CPE: variants seen among roughly 807,000 people sequenced by gnomAD.
CPE encodes carboxypeptidase E, also known as carbocypeptidase E.
Under a neutral mutation model 53.5 loss-of-function variants are expected in CPE, and 17 were observed. The observed-to-expected ratio is 0.32, with a 90% CI of 0.22 to 0.48. CPE has a LOEUF of 0.48. Ranked by LOEUF, CPE falls within the 20% of genes least tolerant of loss-of-function variation. The pLI, the probability that CPE is intolerant of heterozygous loss-of-function variation, is 0.99. For missense variants in CPE, 524 were observed against 614.7 expected (o/e 0.85, Z 1.56); for synonymous variants, 226 against 228.8 (o/e 0.99, Z 0.11).
intron 2 of CPE, among the ~76,000 whole-genome samples, chr4:165,467,349 C>G (rs1346698945): frequency 6.6e-6 from 1 of 152,134 alleles, no homozygotes; most frequent in Non-Finnish European, 1.5e-5. Context: ...GAAACTAAGA[C>G]ACAAACACAC....
At chr4:165,420,694 T>C (rs368802294) in intron 1 of CPE, among the ~76,000 whole-genome samples, 12 of 152,294 alleles carry the variant, frequency 7.9e-5, no homozygotes, top group Admixed American at 3.3e-4. Flanking sequence ...TACTGTTACA[T>C]AGTATGTCTT....
intron 1 of CPE, chr4:165,404,019 C>T (rs182483977): frequency 4.1e-5 from 33 of 796,040 alleles, no homozygotes; most frequent in Middle Eastern, 3.7e-4. Context: ...CCAGCACTGC[C>T]GGCAGCTGGG....
chr4:165,386,440 C>G, intron 1 of CPE: 1 of 386,948 alleles, frequency 2.6e-6, no homozygotes, highest in South Asian at 2.0e-5. Flanking sequence ...AAATGCATAT[C>G]ATAAAACAAA....
At chr4:165,387,924 C>G (rs940516040) in intron 1 of CPE, among the ~76,000 whole-genome samples, 3 of 152,042 alleles carry the variant, frequency 2.0e-5, no homozygotes, top group African/African-American at 7.2e-5. Flanking sequence ...GCCCAGCCCC[C>G]CAAAATTTCT....
intron 1 of CPE, among the ~76,000 whole-genome samples, chr4:165,407,150 T>C (rs1033351830): frequency 4.6e-5 from 7 of 152,178 alleles, no homozygotes; most frequent in Admixed American, 6.6e-5. Flanking sequence ...TTGTTTAACA[T>C]TTTCAGGAAC....
At chr4:165,438,617 G>T (rs993632539) in intron 1 of CPE, among the ~76,000 whole-genome samples, 2 of 152,128 alleles carry the variant, frequency 1.3e-5, no homozygotes, top group African/African-American at 4.8e-5. Flanking sequence ...TGGATAATTT[G>T]AATGGGTCAT....
chr4:165,408,479 G>A (rs1419677525), intron 1 of CPE, among the ~76,000 whole-genome samples: 1 of 152,138 alleles, frequency 6.6e-6, no homozygotes, highest in Non-Finnish European at 1.5e-5. Context: ...AGTGAGTAGA[G>A]GCAACTCAAA....
chr4:165,393,853 G>A (rs912345471), intron 1 of CPE, among the ~76,000 whole-genome samples: 2 of 152,154 alleles, frequency 1.3e-5, no homozygotes, highest in Admixed American at 1.3e-4. Flanking sequence ...CAAAAAACCA[G>A]GAAAGCATTG....
At chr4:165,461,166 C>CAAAAAAAA (rs1173022270) in intron 1 of CPE, among the ~76,000 whole-genome samples, 518 of 44,046 alleles carry the variant, frequency 0.012, 19 homozygotes, top group East Asian at 0.052. Context: ...GCCTCTGCCT[C>CAAAAAAAA]AAAAAAAAAA....
chr4:165,385,682 CATCAAGCAAGCTTGA>C (rs1730580257), intron 1 of CPE, among the ~76,000 whole-genome samples: 1 of 152,102 alleles, frequency 6.6e-6, no homozygotes. Flanking sequence ...GAACAATAAT[CATCAAGCAAGCTTGA>C]ATCAAGCAAG....
intron 6 of CPE, among the ~76,000 whole-genome samples, chr4:165,491,004 C>G (rs1026287977): frequency 6.6e-6 from 1 of 152,194 alleles, no homozygotes; most frequent in African/African-American, 2.4e-5. Flanking sequence ...TCTGAATTTT[C>G]CAGTCTGAAT....
At chr4:165,439,180 C>T (rs1230776690) in intron 1 of CPE, among the ~76,000 whole-genome samples, 1 of 152,102 alleles carries the variant, frequency 6.6e-6, no homozygotes, top group East Asian at 1.9e-4. Context: ...GAAAAACCGA[C>T]CAACCAACCA....
chr4:165,401,354 T>C (rs1465926040), intron 1 of CPE, among the ~76,000 whole-genome samples: 1 of 152,212 alleles, frequency 6.6e-6, no homozygotes, highest in Admixed American at 6.5e-5. Context: ...GATTTGCACA[T>C]CCACCTGCCT....
intron 1 of CPE, among the ~76,000 whole-genome samples, chr4:165,440,876 G>A (rs1731598618): frequency 6.6e-6 from 1 of 152,026 alleles, no homozygotes; most frequent in Non-Finnish European, 1.5e-5. Flanking sequence ...CTTCTTTCAT[G>A]TGCAGCATTA....
chr4:165,467,547 T>G, intron 2 of CPE, 141 bp from the exon 3 acceptor site: 1 of 757,052 alleles, frequency 1.3e-6, no homozygotes, highest in Non-Finnish European at 2.1e-6. Context: ...AGTAAAGTAG[T>G]GAAAATGCTG....
intron 1 of CPE, among the ~76,000 whole-genome samples, chr4:165,425,811 G>A (rs919260358): frequency 1.3e-5 from 2 of 152,172 alleles, no homozygotes; most frequent in African/African-American, 4.8e-5. Context: ...GGATGGAAAG[G>A]CAGGGAGGAG....
intron 3 of CPE, among the ~76,000 whole-genome samples, chr4:165,480,995 G>GATAT (rs758491096): frequency 2.3e-5 from 3 of 132,176 alleles, no homozygotes; most frequent in Admixed American, 7.8e-5. Context: ...TTCTACAATG[G>GATAT]ATATATATAT....
chr4:165,405,654 T>A, intron 1 of CPE: 1 of 778,242 alleles, frequency 1.3e-6, no homozygotes. Context: ...CTTCTAGGTA[T>A]TTGATTGTCC....
chr4:165,445,923 A>G (rs1354506513), intron 1 of CPE, among the ~76,000 whole-genome samples: 2 of 151,892 alleles, frequency 1.3e-5, no homozygotes, highest in East Asian at 1.9e-4. Context: ...AAAAGCAGCT[A>G]TTATAATAGA....
Sources: allele counts gnomAD v4.1 joint callset (sites outside exome capture counted in the v4.1 genomes callset), GRCh38; gene constraint gnomAD v4.1.1; transcripts MANE v1.5; gene names NCBI Gene and HGNC (gene_info 2026-07-23, HGNC 2026-07-21).